Variants in DNAH5 observed in about 807,000 individuals in gnomAD.
The protein encoded by DNAH5 is axonemal beta dynein heavy chain 5.
A neutral mutation model predicts 518.2 loss-of-function variants in DNAH5; 372 were observed. The ratio of observed to expected loss-of-function variants is 0.72; its 90% CI spans 0.66 to 0.78. The LOEUF (loss-of-function observed/expected upper bound fraction) is 0.78. Ranked by LOEUF, DNAH5 falls within the 30% of genes least tolerant of loss-of-function variation. The pLI is 0.00. For missense variants in DNAH5, 5,523 were observed against 5,687.0 expected, an observed-to-expected ratio of 0.97 and a Z score of 0.93; for synonymous variants, 2,039 against 2,025.9, an observed-to-expected ratio of 1.01 and a Z score of -0.17.
intron 24 of DNAH5, among the ~76,000 whole-genome samples, chr5:13,869,831 A>T (rs1005792676): frequency 1.3e-5 from 2 of 150,766 alleles, no homozygotes; most frequent in African/African-American, 2.5e-5. Flanking sequence ...TGTTTGTTTT[A>T]AAAAAAAGGC....
rs759475605 is a variant in DNAH5, at chr5:13,776,684, T to C, written c.9128A>G (p.Asp3043Gly). Residue 3043 changes from aspartate (D) to glycine (G), a missense_variant, in exon 55 of 79, where the codon GAT (aspartate) becomes GGT (glycine). Physicochemically the swap from Asp to Gly is moderately conservative, Grantham distance 94. Transcript: ENST00000265104. ...GTCGCTATTAATTTCATCAATTTCATCTCGAGCAAATAGGTTAGAGACCTT... is the reference window on the plus strand; with the variant it reads ...GTCGCTATTAATTTCATCAATTTCACCTCGAGCAAATAGGTTAGAGACCTT... ...SGEVSNLFAR[D>G]EIDEINSDLA... 1.2e-6 allele frequency: 2 copies of C among 1,613,564 alleles called. No homozygotes were observed. The highest frequency in any genetic ancestry group is 2.7e-5 in the African/African-American group (2 of 74,852).
intron 47 of DNAH5, among the ~76,000 whole-genome samples, chr5:13,798,933 T>G (rs141264737): frequency 5.4e-4 from 82 of 151,946 alleles, no homozygotes; most frequent in African/African-American, 1.8e-3. Context: ...ACCCTGCTAA[T>G]TTTTGTATTT....
chr5:13,940,300 C>T (rs556350627), intron 1 of DNAH5, among the ~76,000 whole-genome samples: 119 of 152,244 alleles, frequency 7.8e-4, no homozygotes, highest in Non-Finnish European at 1.5e-3. Flanking sequence ...TTTCCCTAAC[C>T]CCACAGTGAT....
intron 75 of DNAH5, among the ~76,000 whole-genome samples, chr5:13,711,578 G>A (rs1319446413): frequency 6.6e-6 from 1 of 152,150 alleles, no homozygotes; most frequent in African/African-American, 2.4e-5. Context: ...AAGTCAAACT[G>A]TCACTGCTTG....
rs1260023410 is a variant in DNAH5 at position 13,824,237 on chromosome 5, C to A, written c.6541G>T (p.Val2181Phe). Residue 2181 changes from valine (V) to phenylalanine (F), a missense_variant, in exon 39 of 79, where the codon GTC (valine) becomes TTC (phenylalanine). Physicochemically the swap from Val to Phe is conservative, Grantham distance 50. Coordinates refer to ENST00000265104, the MANE Select transcript of DNAH5 (RefSeq NM_001369.3). Reference sequence around the variant, plus strand: ...TTCATGTCCCGTAGTACACGCATGACAATCGTGGACTCCGTATCCATTGGA... The same window carrying A: ...TTCATGTCCCGTAGTACACGCATGAAAATCGTGGACTCCGTATCCATTGGA... ...ANPMDTESTI[V>F]MRVLRDMNLS... 2 of 1,613,992 alleles carry A rather than the reference C, an allele frequency of 1.2e-6. No homozygotes were observed. Among genetic ancestry groups the A allele is most frequent in the Non-Finnish European group, 1.7e-6 (2 of 1,180,008 alleles).
intron 35 of DNAH5, among the ~76,000 whole-genome samples, chr5:13,838,753 C>T (rs1051489400): frequency 1.2e-4 from 18 of 152,154 alleles, no homozygotes; most frequent in Admixed American, 3.3e-4. Flanking sequence ...ACCCCCTGGT[C>T]TGTAGAAAAA....
chr5:13,850,917 TCCAGATATCCAAG>T, intron 30 of DNAH5, 102 bp from the exon 31 acceptor site: 1 of 1,167,076 alleles, frequency 8.6e-7, no homozygotes, highest in Non-Finnish European at 1.3e-6. Context: ...CTTTAACCAG[TCCAGATATCCAAG>T]CAATATATGC....
intron 19 of DNAH5, among the ~76,000 whole-genome samples, chr5:13,883,713 G>A (rs1320760529): frequency 6.6e-6 from 1 of 152,178 alleles, no homozygotes; most frequent in African/African-American, 2.4e-5. Context: ...GCAAATATCT[G>A]TAATAGAAAA....
intron 1 of DNAH5, among the ~76,000 whole-genome samples, chr5:13,963,955 C>T (rs889079197): frequency 1.8e-4 from 27 of 152,092 alleles, no homozygotes; most frequent in African/African-American, 6.3e-4. Flanking sequence ...GGCATCCACC[C>T]CTGCACACAA....
rs769413392 is a variant in DNAH5 at position 13,870,752 on chromosome 5, A to C, written c.3834+15T>G. ...GTAGAAATATTTCTATAATGAACAA[A>C]TGATCATTAGTTACCTCAATAGGTC... On this transcript the variant is annotated intron_variant, in intron 24 of 78. Coordinates refer to ENST00000265104, the MANE Select transcript of DNAH5 (RefSeq NM_001369.3). 6.3e-7 allele frequency: 1 copy of C among 1,593,098 alleles called. No individual in the cohort carries two copies. The highest frequency in any genetic ancestry group is 1.1e-5 in the South Asian group (1 of 90,538).
intron 1 of DNAH5, among the ~76,000 whole-genome samples, chr5:13,983,505 T>C (rs946135885): frequency 6.6e-6 from 1 of 152,150 alleles, no homozygotes; most frequent in Non-Finnish European, 1.5e-5. Flanking sequence ...ACACATTCCA[T>C]CAGCATCAGT....
At chr5:13,937,506 C>T (rs1283089601) in intron 1 of DNAH5, among the ~76,000 whole-genome samples, 1 of 150,950 alleles carries the variant, frequency 6.6e-6, no homozygotes, top group African/African-American at 2.4e-5. Context: ...GTTAGTTCCT[C>T]ATTTGGGTAG....
intron 2 of DNAH5, among the ~76,000 whole-genome samples, chr5:13,930,039 C>G (rs572275551): frequency 1.3e-5 from 2 of 152,164 alleles, no homozygotes; most frequent in South Asian, 4.1e-4. Context: ...GGTAAACATT[C>G]AATAAGTGTC....
chr5:13,949,839 G>A (rs1321108363), intron 1 of DNAH5, among the ~76,000 whole-genome samples: 2 of 152,172 alleles, frequency 1.3e-5, no homozygotes, highest in African/African-American at 4.8e-5. Context: ...TAGAAATAAT[G>A]TTGTCCTGGC....
chr5:13,866,083 C>A (rs978144595), intron 26 of DNAH5, 137 bp downstream of exon 26: 29 of 918,876 alleles, frequency 3.2e-5, no homozygotes, highest in Non-Finnish European at 5.0e-5. Context: ...TGTAATCCTA[C>A]AATATCGTAT....
chr5:13,736,011 C>G, intron 66 of DNAH5, 79 bp from the exon 67 acceptor site: 3 of 1,195,108 alleles, frequency 2.5e-6, no homozygotes, highest in Admixed American at 3.4e-5. Flanking sequence ...AGCCTAAACT[C>G]TAAATGAAAA....
chr5:13,928,918 G>C (rs904907602), intron 2 of DNAH5, among the ~76,000 whole-genome samples: 27 of 152,330 alleles, frequency 1.8e-4, no homozygotes, highest in Non-Finnish European at 3.2e-4. Context: ...TGGAGCCGTT[G>C]TGGAAAACAG....
chr5:13,897,009 T>C (rs1773996572), intron 15 of DNAH5, among the ~76,000 whole-genome samples: 1 of 152,134 alleles, frequency 6.6e-6, no homozygotes, highest in Non-Finnish European at 1.5e-5. Context: ...GATAGATAAA[T>C]TTTGAAAATG....
rs749919832 is a variant in DNAH5, at chr5:13,830,216, T to G, written c.6062-3A>C. The G allele has an allele frequency of 6.2e-7, 1 of 1,613,378 alleles. No homozygotes were observed. The highest frequency in any genetic ancestry group is 2.2e-5 in the East Asian group (1 of 44,850). On this transcript the variant is annotated splice_region_variant and splice_polypyrimidine_tract_variant and intron_variant, in intron 36 of 78. Coordinates refer to ENST00000265104, the MANE Select transcript of DNAH5 (RefSeq NM_001369.3). ...CCAGGATCCAGACTGTGCCAGTCCT[T>G]CGAAAGGAAATTAAATGAAAAATCC...
Sources: gnomAD v4.1 joint callset for allele counts (sites outside exome capture counted in the v4.1 genomes callset) on GRCh38, gnomAD v4.1.1 for gene constraint, MANE v1.5 for transcripts, NCBI Gene and HGNC (gene_info 2026-07-23, HGNC 2026-07-21) for gene names.